The following CPNE4 variants were observed in gnomAD, a reference collection of about 807,000 sequenced individuals.
CPNE4 encodes copine-4.
CPNE4 carries 25 observed loss-of-function variants against 67.9 expected under a neutral mutation model. That is an observed-to-expected ratio of 0.37 (90% confidence interval 0.27 to 0.51). CPNE4 has a LOEUF of 0.51. Ranked by LOEUF, CPNE4 falls within the 20% of genes least tolerant of loss-of-function variation. CPNE4 has a pLI of 0.93. For synonymous variants in CPNE4, 242 were observed against 244.9 expected, an observed-to-expected ratio of 0.99 and a Z score of 0.11; for missense variants, 464 against 690.8, an observed-to-expected ratio of 0.67 and a Z score of 3.68.
chr3:131,555,631 C>G, intron 11 of CPNE4, 80 bp from the exon 12 acceptor site: 1 of 1,223,878 alleles, frequency 8.2e-7, no homozygotes, highest in Non-Finnish European at 1.2e-6. Flanking sequence ...CATTAACCTA[C>G]ATTACTAGGT....
At chr3:131,825,658 T>C (rs1414848615) in intron 2 of CPNE4, among the ~76,000 whole-genome samples, 2 of 151,938 alleles carry the variant, frequency 1.3e-5, no homozygotes, top group African/African-American at 4.8e-5. Context: ...TGAGCCAGAG[T>C]TAAAGAAAGT....
At chr3:131,729,117 G>T (rs2082071016) in intron 2 of CPNE4, among the ~76,000 whole-genome samples, 1 of 152,146 alleles carries the variant, frequency 6.6e-6, no homozygotes, top group African/African-American at 2.4e-5. Flanking sequence ...GTCAGTCACT[G>T]AATGCTCTAA....
At chr3:131,544,508 C>G (rs1035231451) in intron 14 of CPNE4, among the ~76,000 whole-genome samples, 3 of 152,328 alleles carry the variant, frequency 2.0e-5, no homozygotes, top group Admixed American at 2.0e-4. Flanking sequence ...CTAGTCCTAG[C>G]TGAATTCCCA....
intron 1 of CPNE4, among the ~76,000 whole-genome samples, chr3:132,024,464 T>C (rs1218866419): frequency 1.3e-5 from 2 of 149,940 alleles, no homozygotes; most frequent in African/African-American, 4.9e-5. Context: ...GTGGAAGGAC[T>C]GTACATTTTG....
chr3:131,979,304 T>C (rs564535772), intron 1 of CPNE4, among the ~76,000 whole-genome samples: 2 of 152,316 alleles, frequency 1.3e-5, no homozygotes, highest in Non-Finnish European at 2.9e-5. Flanking sequence ...CCACTACTAT[T>C]GTGTTGCTGT....
chr3:131,614,553 A>G (rs115954047), intron 7 of CPNE4, among the ~76,000 whole-genome samples: 1,525 of 152,336 alleles, frequency 0.01, 22 homozygotes, highest in African/African-American at 0.035. Context: ...TTGAGAGACA[A>G]TATAGACCAT....
chr3:131,587,588 A>G lies in CPNE4; in HGVS notation c.682-6T>C, dbSNP rs761466747. ...TCCCAGTCCCATACTATGCACTGTAAGAGAAAACAATGATCTTTCTTAAAA... is the reference window on the plus strand; with the variant it reads ...TCCCAGTCCCATACTATGCACTGTAGGAGAAAACAATGATCTTTCTTAAAA... On this transcript the variant is annotated splice_polypyrimidine_tract_variant and splice_region_variant and intron_variant, in intron 7 of 15. Coordinates refer to ENST00000429747, the MANE Select transcript of CPNE4 (RefSeq NM_130808.3). 8.9e-5 allele frequency: 141 copies of G among 1,591,992 alleles called. No individual in the cohort carries two copies. The highest frequency in any genetic ancestry group is 1.1e-4 in the Non-Finnish European group (127 of 1,161,372).
chr3:132,013,910 G>A (rs1236192035), intron 1 of CPNE4, among the ~76,000 whole-genome samples: 2 of 152,258 alleles, frequency 1.3e-5, no homozygotes, highest in South Asian at 2.1e-4. Flanking sequence ...CCTAACTTCT[G>A]TATAATGCTG....
At chr3:131,935,286 T>C (rs2071190547) in intron 1 of CPNE4, among the ~76,000 whole-genome samples, 1 of 152,100 alleles carries the variant, frequency 6.6e-6, no homozygotes, top group African/African-American at 2.4e-5. Flanking sequence ...TGGTATATTA[T>C]CTGGATAGAA....
At chr3:131,976,340 A>G (rs568200131) in intron 1 of CPNE4, among the ~76,000 whole-genome samples, 34 of 152,302 alleles carry the variant, frequency 2.2e-4, no homozygotes, top group African/African-American at 7.7e-4. Context: ...ACAAACAAAC[A>G]AATGAAAACA....
In CPNE4 at chr3:131,646,192, C is replaced by A. The variant is rs147316776; in HGVS notation, c.681+23483G>T. Among the ~76,000 whole-genome samples, 8 of 152,254 alleles carry A rather than the reference C, an allele frequency of 5.3e-5. No homozygotes were observed. In the East Asian group the frequency reaches 1.5e-3, roughly 29 times the overall value. ...CATTTCTTTTAAAACATACAATGTACCAAGAATTATGAGTTAGGCCAAAGG... is the reference window on the plus strand; with the variant it reads ...CATTTCTTTTAAAACATACAATGTAACAAGAATTATGAGTTAGGCCAAAGG... On this transcript the variant is annotated intron_variant, in intron 7 of 15. Transcript: ENST00000429747.
At chr3:131,671,390 AACTC>A in intron 6 of CPNE4, among the ~76,000 whole-genome samples, 2 of 152,230 alleles carry the variant, frequency 1.3e-5, no homozygotes, top group Non-Finnish European at 2.9e-5. Context: ...AGTTTTGAAA[AACTC>A]AATAGCAACT....
chr3:131,809,870 T>C (rs1560367731), intron 2 of CPNE4, among the ~76,000 whole-genome samples: 2 of 152,038 alleles, frequency 1.3e-5, no homozygotes, highest in African/African-American at 4.8e-5. Context: ...GTAATCAGGA[T>C]ATTAGACTTT....
chr3:131,962,047 T>C (rs879208440), intron 1 of CPNE4, among the ~76,000 whole-genome samples: 2 of 152,218 alleles, frequency 1.3e-5, no homozygotes, highest in Admixed American at 6.5e-5. Context: ...AAAAAAGTAC[T>C]AGATTGTTTG....
chr3:131,742,128 G>A (rs970519457), intron 2 of CPNE4, among the ~76,000 whole-genome samples: 10 of 152,172 alleles, frequency 6.6e-5, no homozygotes, highest in Admixed American at 3.9e-4. Context: ...GAATGTGTCC[G>A]TGAAGGTATT....
chr3:131,704,258 G>C (rs1390702809), intron 3 of CPNE4, among the ~76,000 whole-genome samples: 1 of 152,148 alleles, frequency 6.6e-6, no homozygotes, highest in Non-Finnish European at 1.5e-5. Flanking sequence ...GCATCTCTTT[G>C]CCTGAAAGTT....
chr3:131,644,463 A>C (rs537804171), intron 7 of CPNE4, among the ~76,000 whole-genome samples: 1 of 152,314 alleles, frequency 6.6e-6, no homozygotes, highest in East Asian at 1.9e-4. Context: ...TTACATTTCT[A>C]ACAAGTTCCC....
At chr3:131,555,394 C>T (rs2107650931) in intron 12 of CPNE4, 103 bp downstream of exon 12, 2 of 966,554 alleles carry the variant, frequency 2.1e-6, no homozygotes, top group South Asian at 3.0e-5. Context: ...GCCCTACTGA[C>T]ACAGTTAGGT....
chr3:131,697,655 G>C (rs1583038072), intron 4 of CPNE4, among the ~76,000 whole-genome samples: 1 of 152,244 alleles, frequency 6.6e-6, no homozygotes, highest in East Asian at 1.9e-4. Flanking sequence ...AGGTATATAG[G>C]AAAAACTCTA....
Sources: allele counts gnomAD v4.1 joint callset (sites outside exome capture counted in the v4.1 genomes callset), GRCh38; gene constraint gnomAD v4.1.1; transcripts MANE v1.5; gene names NCBI Gene and HGNC (gene_info 2026-07-23, HGNC 2026-07-21).